The following PCDHGB1 variants were observed in gnomAD, a reference collection of about 807,000 sequenced individuals.
The protein encoded by PCDHGB1 is protocadherin gamma-B1.
A neutral mutation model predicts 56.6 loss-of-function variants in PCDHGB1; 34 were observed. The observed-to-expected ratio is 0.60, with a 90% confidence interval of 0.46 to 0.80. PCDHGB1 has a LOEUF of 0.80. PCDHGB1 is among the 30% of genes least tolerant of loss of function. The probability of loss-of-function intolerance (pLI) is 0.00; values close to 1 mark genes in which losing one functional copy is unlikely to be tolerated. For synonymous variants in PCDHGB1, 561 were observed against 505.9 expected (o/e 1.11, Z -1.46); for missense variants, 1,278 against 1,204.6 (o/e 1.06, Z -0.90).
chr5:141,435,254 G>C (rs1220755047), intron 1 of PCDHGB1, among the ~76,000 whole-genome samples: 1 of 152,018 alleles, frequency 6.6e-6, no homozygotes, highest in African/African-American at 2.4e-5. Flanking sequence ...GGCCATTAGG[G>C]ATATGTCCAT....
At chr5:141,405,359 GAC>G in intron 1 of PCDHGB1, 1 of 1,614,018 alleles carries the variant, frequency 6.2e-7, no homozygotes, top group Admixed American at 1.7e-5. Context: ...TCCTATAGAA[GAC>G]ACCCCTTTGG....
intron 1 of PCDHGB1, chr5:141,422,879 T>A: frequency 6.2e-7 from 1 of 1,614,240 alleles, no homozygotes; most frequent in Non-Finnish European, 8.5e-7. Context: ...TCGCTGAGCC[T>A]GTTCGTGCTG....
At position 141,490,516 on chromosome 5, in the gene PCDHGB1, G is replaced by T. The variant is rs768123119; in HGVS notation, c.2410-4291G>T. The T allele has an allele frequency of 6.2e-7, 1 of 1,613,828 alleles. No individual in the cohort carries two copies. The highest frequency in any genetic ancestry group is 2.2e-5 in the East Asian group (1 of 44,864). On this transcript the variant is annotated intron_variant, in intron 1 of 3. Transcript: ENST00000523390. This position sits in a 1 kb window ranked among gnomAD's most constrained non-coding sequence, Gnocchi z 5.4. ...ATCCCACTATATCATCGAGCTGCTG[G>T]CCAGCGATGCTGGTTCACCTTCCCT... is the stretch of plus-strand genomic sequence containing the variant.
rs759443418 is a variant in PCDHGB1 at position 141,352,602 on chromosome 5, C to T, written c.2342C>T (p.Pro781Leu). 1 of 1,613,658 alleles carries T rather than the reference C, an allele frequency of 6.2e-7. No individual in the cohort carries two copies. The highest frequency in any genetic ancestry group is 1.1e-5 in the South Asian group (1 of 91,046). ...CCTCAGGATCTGCTGTGTGATGATCCTTCTATGGTTGTATGTGCCAGTAAT... is the reference window on the plus strand; with the variant it reads ...CCTCAGGATCTGCTGTGTGATGATCTTTCTATGGTTGTATGTGCCAGTAAT... ...APPQDLLCDD[P>L]SMVVCASNED... is the part of the protein sequence containing the mutation. Residue 781 changes from proline (P) to leucine (L), a missense_variant, in exon 1 of 4, where the codon CCT becomes CTT. Pro to Leu is a moderately conservative substitution (Grantham distance 98). Coordinates refer to ENST00000523390, the MANE Select transcript of PCDHGB1 (RefSeq NM_018922.3).
At chr5:141,427,386 A>G (rs2097020887) in intron 1 of PCDHGB1, 1 of 459,098 alleles carries the variant, frequency 2.2e-6, no homozygotes, top group Non-Finnish European at 4.4e-6. Context: ...CACTCTGTTC[A>G]AAACACATGA....
At chr5:141,356,639 A>G (rs1760286940) in intron 1 of PCDHGB1, 1 of 1,614,126 alleles carries the variant, frequency 6.2e-7, no homozygotes, top group East Asian at 2.2e-5. Context: ...CAAGACCCTG[A>G]CAGTGGTGAC....
intron 1 of PCDHGB1, chr5:141,355,456 A>G: frequency 6.2e-7 from 1 of 1,614,078 alleles, no homozygotes; most frequent in Non-Finnish European, 8.5e-7. Context: ...CACCTTGGTC[A>G]CCGCGGGTAG....
chr5:141,502,062 A>G (rs530211521), intron 2 of PCDHGB1, among the ~76,000 whole-genome samples: 2 of 152,146 alleles, frequency 1.3e-5, no homozygotes, highest in South Asian at 4.2e-4. Flanking sequence ...TATTCCCATT[A>G]GCCCCCTTCA....
chr5:141,383,872 C>T, intron 1 of PCDHGB1: 1 of 1,613,908 alleles, frequency 6.2e-7, no homozygotes, highest in Non-Finnish European at 8.5e-7. Flanking sequence ...TCAAGATGGT[C>T]CTGGTAGTCT....
At chr5:141,365,213 G>A in intron 1 of PCDHGB1, 1 of 1,613,930 alleles carries the variant, frequency 6.2e-7, no homozygotes, top group Non-Finnish European at 8.5e-7. Flanking sequence ...TTTCCAACTT[G>A]ATTCCAACCT....
intron 1 of PCDHGB1, among the ~76,000 whole-genome samples, chr5:141,448,728 C>T (rs575604763): frequency 6.6e-6 from 1 of 151,986 alleles, no homozygotes; most frequent in Non-Finnish European, 1.5e-5. Context: ...ATCACGAGGT[C>T]AGGAGATCGA....
intron 1 of PCDHGB1, chr5:141,389,305 C>T: frequency 6.2e-7 from 1 of 1,614,004 alleles, no homozygotes; most frequent in Non-Finnish European, 8.5e-7. Flanking sequence ...CAAGTCAGGG[C>T]TTCTGATCCG....
chr5:141,455,148 A>G (rs6897410), intron 1 of PCDHGB1, among the ~76,000 whole-genome samples: 9,268 of 149,002 alleles, frequency 0.062, 567 homozygotes, highest in African/African-American at 0.16. Flanking sequence ...TTAAATAAAT[A>G]TTAGTTTGTT....
At chr5:141,418,746 A>G in intron 1 of PCDHGB1, 1 of 1,613,974 alleles carries the variant, frequency 6.2e-7, no homozygotes, top group Non-Finnish European at 8.5e-7. Context: ...TCTCTGGATT[A>G]CACTACAGGA....
At chr5:141,370,093 C>T (rs1766669679) in intron 1 of PCDHGB1, among the ~76,000 whole-genome samples, 1 of 152,218 alleles carries the variant, frequency 6.6e-6, no homozygotes, top group South Asian at 2.1e-4. Flanking sequence ...TATCAGTACA[C>T]TGCCGATTTT....
At chr5:141,421,913 T>C in intron 1 of PCDHGB1, 1 of 1,613,710 alleles carries the variant, frequency 6.2e-7, no homozygotes, top group Non-Finnish European at 8.5e-7. Context: ...GCAGTTCCCA[T>C]TCGTGTGGTG....
At position 141,490,545 on chromosome 5, in the gene PCDHGB1, C is replaced by T; in HGVS notation, c.2410-4262C>T. 3 of 1,614,164 alleles carry T rather than the reference C, an allele frequency of 1.9e-6. No homozygotes were observed. The highest frequency in any genetic ancestry group is 2.5e-6 in the Non-Finnish European group (3 of 1,180,018). ...GCGATGCTGGTTCACCTTCCCTACA[C>T]AAACATCTCACCATCAGGCTCAACA... On this transcript the variant is annotated intron_variant, in intron 1 of 3. Coordinates refer to ENST00000523390, the MANE Select transcript of PCDHGB1 (RefSeq NM_018922.3). The surrounding 1 kb of genome is among the most constrained non-coding windows in gnomAD (Gnocchi z 5.4).
chr5:141,386,595 AT>A (rs373179212), intron 1 of PCDHGB1, among the ~76,000 whole-genome samples: 3,552 of 145,572 alleles, frequency 0.024, 119 homozygotes, highest in African/African-American at 0.079. Flanking sequence ...TGGGGGATAC[AT>A]TTTTTTTTTT....
chr5:141,404,103 G>C lies in PCDHGB1; in HGVS notation c.2409+51434G>C, dbSNP rs773489391. 14 of 1,613,372 alleles carry C rather than the reference G, an allele frequency of 8.7e-6. No homozygotes were observed. In the East Asian group the frequency reaches 2.9e-4, roughly 33 times the overall value. On this transcript the variant is annotated intron_variant, in intron 1 of 3. Transcript: ENST00000523390. ...TCCGGGAAGAATGGTCAAGTTGTCT[G>C]TTCTATCCAGGAGAATCTATCTTTT...
Sources: gnomAD v4.1 joint callset for allele counts (sites outside exome capture counted in the v4.1 genomes callset) on GRCh38, gnomAD v4.1.1 for gene constraint, Gnocchi (gnomAD v3.1) non-coding constraint, MANE v1.5 for transcripts, NCBI Gene and HGNC (gene_info 2026-07-23, HGNC 2026-07-21) for gene names.